PCGF3: variants seen among roughly 807,000 people sequenced by gnomAD.
PCGF3 encodes the protein polycomb group ring finger 3.
PCGF3 carries 7 observed loss-of-function variants against 33.1 expected under a neutral mutation model. That is an observed-to-expected ratio of 0.21 (90% confidence interval 0.12 to 0.40). PCGF3 has a LOEUF of 0.40. PCGF3 is among the 10% of genes least tolerant of loss of function. The pLI is 1.00. For missense variants in PCGF3, 211 were observed against 313.3 expected (o/e 0.67, Z 2.46); for synonymous variants, 153 against 121.3 (o/e 1.26, Z -1.72).
At chr4:714,064 T>C (rs940155753) in intron 1 of PCGF3, among the ~76,000 whole-genome samples, 2 of 152,114 alleles carry the variant, frequency 1.3e-5, no homozygotes, top group Non-Finnish European at 2.9e-5. Flanking sequence ...GTGTCAGGCG[T>C]GGGGCCCTCG....
rs1285123063 is a variant in PCGF3, at chr4:720,480, A to C, written c.-189-10150A>C. 1.3e-5 allele frequency among the ~76,000 whole-genome samples: 2 copies of C among 151,984 alleles called. No individual in the cohort carries two copies. Among genetic ancestry groups the C allele is most frequent in the Non-Finnish European group, 2.9e-5 (2 of 67,970 alleles). Reference sequence around the variant, plus strand: ...TTGTCAGGTGGACAGGGGCTGGCCCACCCGTGAGTGGGTAGGGCCTCCTGC... The same window carrying C: ...TTGTCAGGTGGACAGGGGCTGGCCCCCCCGTGAGTGGGTAGGGCCTCCTGC... On this transcript the variant is annotated intron_variant, in intron 1 of 10. Transcript: ENST00000362003. The surrounding 1 kb of genome is among the most constrained non-coding windows in gnomAD (Gnocchi z 5.6).
At chr4:730,370 G>A (rs1470998897) in intron 1 of PCGF3, among the ~76,000 whole-genome samples, 1 of 151,838 alleles carries the variant, frequency 6.6e-6, no homozygotes, top group African/African-American at 2.4e-5. Context: ...GCCCCCAGCT[G>A]CCCCCCCACC....
At position 751,084 on chromosome 4, in the gene PCGF3, G is replaced by A. The variant is rs529553914; in HGVS notation, c.462+6396G>A. 1.2e-4 allele frequency among the ~76,000 whole-genome samples: 19 copies of A among 152,154 alleles called. No individual in the cohort carries two copies. The South Asian group carries it at 1.7e-3, about 13-fold the overall frequency. ...CCCTCTCCATGAGGGCTTGGATCCG[G>A]TTTTGGTGTCTTCTTTCTCTGCTCT... On this transcript the variant is annotated intron_variant, in intron 8 of 10. Coordinates refer to ENST00000362003, the Ensembl canonical transcript of PCGF3.
chr4:763,086 A>G (rs1745156029), intron 9 of PCGF3, among the ~76,000 whole-genome samples: 1 of 151,732 alleles, frequency 6.6e-6, no homozygotes, highest in Non-Finnish European at 1.5e-5. Context: ...GGGGTTGGGG[A>G]GACTCACTGA....
intron 4 of PCGF3, 95 bp from the exon 5 acceptor site, chr4:734,836 C>T (rs549377750): frequency 1.5e-5 from 22 of 1,505,948 alleles, no homozygotes; most frequent in African/African-American, 5.5e-5. Context: ...TGCACAGAAA[C>T]GAGCTCAGAG....
chr4:708,865 C>T (rs1222529839), intron 1 of PCGF3, among the ~76,000 whole-genome samples: 1 of 152,122 alleles, frequency 6.6e-6, no homozygotes, highest in Non-Finnish European at 1.5e-5. Context: ...TTGGAGCAGG[C>T]AAGGCTATTT....
At chr4:725,155 C>G (rs1248771191) in intron 1 of PCGF3, 1 of 152,398 alleles carries the variant, frequency 6.6e-6, no homozygotes, top group East Asian at 1.9e-4. Context: ...GTCACCAGAG[C>G]CTGCGCTTCT....
rs1577409582 is a variant in PCGF3, at chr4:730,418, C to T, written c.-189-212C>T. Among the ~76,000 whole-genome samples, 3 of 152,214 alleles carry T rather than the reference C, an allele frequency of 2.0e-5. No homozygotes were observed. The East Asian group carries it at 5.8e-4, about 29-fold the overall frequency. On this transcript the variant is annotated intron_variant, in intron 1 of 10. Coordinates refer to ENST00000362003, the Ensembl canonical transcript of PCGF3. Reference sequence around the variant, plus strand: ...GTGCCCACTCCTGCTGTCTCCGATGCCTTGGGCCTGGGCTCAGAGACGCCC... The same window carrying T: ...GTGCCCACTCCTGCTGTCTCCGATGTCTTGGGCCTGGGCTCAGAGACGCCC...
chr4:729,124 A>C (rs1053561758), intron 1 of PCGF3, among the ~76,000 whole-genome samples: 1 of 148,960 alleles, frequency 6.7e-6, no homozygotes, highest in Non-Finnish European at 1.5e-5. Context: ...AAAAAAAAAA[A>C]AAAAACTGGG....
chr4:757,208 C>T (rs1456427142), intron 8 of PCGF3: 1 of 151,964 alleles, frequency 6.6e-6, no homozygotes, highest in Admixed American at 6.6e-5. Context: ...TGCGTTTTCC[C>T]GCAGGTGCAT....
At chr4:736,173 G>A (rs1380625418) in intron 5 of PCGF3, among the ~76,000 whole-genome samples, 2 of 151,924 alleles carry the variant, frequency 1.3e-5, no homozygotes, top group Non-Finnish European at 2.9e-5. Flanking sequence ...TCAGCCTCCC[G>A]AGTAGCTGGA....
chr4:758,210 G>C (rs1477729729), intron 8 of PCGF3, among the ~76,000 whole-genome samples: 1 of 140,804 alleles, frequency 7.1e-6, no homozygotes, highest in Admixed American at 7.1e-5. Context: ...GTCACTGTAA[G>C]TCTGTGCCCC....
chr4:743,637 C>G (rs1744190113), intron 7 of PCGF3, 53 bp downstream of exon 7: 2 of 1,069,364 alleles, frequency 1.9e-6, no homozygotes, highest in South Asian at 1.3e-5. Flanking sequence ...TGCATGAGGC[C>G]TTTTCTTAAA....
At chr4:760,394 A>T (rs913857036) in intron 8 of PCGF3, among the ~76,000 whole-genome samples, 2 of 151,802 alleles carry the variant, frequency 1.3e-5, no homozygotes, top group Non-Finnish European at 2.9e-5. Context: ...TAGGACATTA[A>T]TCTGTCCTCG....
chr4:748,904 G>C (rs752421344), intron 8 of PCGF3, among the ~76,000 whole-genome samples: 10 of 152,126 alleles, frequency 6.6e-5, no homozygotes, highest in Non-Finnish European at 1.5e-4. Flanking sequence ...TGGAAATTCA[G>C]TTTTGGGGTC....
intron 1 of PCGF3, among the ~76,000 whole-genome samples, chr4:729,773 A>C (rs1357520440): frequency 1.3e-5 from 2 of 152,230 alleles, no homozygotes. Flanking sequence ...GGAAGAGTAG[A>C]AATGATACAA....
chr4:759,926 C>T (rs1432646742), intron 8 of PCGF3, among the ~76,000 whole-genome samples: 2 of 148,696 alleles, frequency 1.3e-5, no homozygotes, highest in East Asian at 2.0e-4. Context: ...AGTTCTTCTC[C>T]TTCCGGACTC....
At chr4:723,975 C>A in intron 1 of PCGF3, 1 of 152,568 alleles carries the variant, frequency 6.6e-6, no homozygotes, top group Non-Finnish European at 1.5e-5. Context: ...CTGGGCCTTG[C>A]TCCCTTCCCC....
At chr4:739,131 C>T (rs1743974958) in intron 6 of PCGF3, among the ~76,000 whole-genome samples, 3 of 152,190 alleles carry the variant, frequency 2.0e-5, no homozygotes, top group Admixed American at 2.0e-4. Context: ...AGTAGAGATT[C>T]CTTAATACCA....
Sources: gnomAD v4.1 joint callset for allele counts (sites outside exome capture counted in the v4.1 genomes callset) on GRCh38, gnomAD v4.1.1 for gene constraint, Gnocchi (gnomAD v3.1) non-coding constraint, MANE v1.5 for transcripts, NCBI Gene and HGNC (gene_info 2026-07-23, HGNC 2026-07-21) for gene names.